Variants in FAM228B observed in about 807,000 individuals in gnomAD.
The protein encoded by FAM228B is family with sequence similarity 228 member B.
A neutral mutation model predicts 42.6 loss-of-function variants in FAM228B; 38 were observed. The ratio of observed to expected loss-of-function variants is 0.89; its 90% CI spans 0.69 to 1.17. FAM228B has a LOEUF of 1.17. Ranked by LOEUF, FAM228B falls within the 50% of genes most tolerant of loss-of-function variation. FAM228B has a pLI of 0.00. For synonymous variants in FAM228B, 109 were observed against 122.3 expected (o/e 0.89, Z 0.72); for missense variants, 344 against 367.3 (o/e 0.94, Z 0.52).
intron 7 of FAM228B, among the ~76,000 whole-genome samples, chr2:24,150,052 T>C (rs1217378829): frequency 6.6e-6 from 1 of 152,210 alleles, no homozygotes; most frequent in African/African-American, 2.4e-5. Context: ...CTTATTATAC[T>C]ATTTTTTGAA....
At chr2:24,093,025 G>A (rs1665423398) in intron 2 of FAM228B, among the ~76,000 whole-genome samples, 1 of 151,560 alleles carries the variant, frequency 6.6e-6, no homozygotes. Context: ...CCATGGCTCA[G>A]GGCTCAAGGC....
intron 2 of FAM228B, among the ~76,000 whole-genome samples, chr2:24,092,157 C>A (rs1048338657): frequency 5.5e-5 from 7 of 128,414 alleles, no homozygotes; most frequent in African/African-American, 2.1e-4. Flanking sequence ...GCCTGGCAGG[C>A]AGAGGTTGCA....
In FAM228B at chr2:24,154,126, T is replaced by TC. The variant is rs201522048; in HGVS notation, c.686+7041dup. On this transcript the variant is annotated intron_variant, in intron 7 of 10. Transcript: ENST00000615575. Reference sequence around the variant, plus strand: ...TTCAAGACTGTCCCTCCTGCTCTCCTCATGCCTCTTTTAGTGATATGAAGT... The same window carrying TC: ...TTCAAGACTGTCCCTCCTGCTCTCCTCCATGCCTCTTTTAGTGATATGAAGT... Among the ~76,000 whole-genome samples the TC allele has an allele frequency of 7.3e-3, 265 of 36,536 alleles. 1 individual carries two copies. The highest frequency in any genetic ancestry group is 0.011 in the African/African-American group (254 of 24,134). 24.0% of individuals were successfully genotyped at this position (36,536 alleles called of 152,430 possible). A position where few individuals can be genotyped will look rare whatever the true frequency, so the allele number is the denominator to read the frequency against.
At chr2:24,120,620 A>C (rs1303020424), upstream of FAM228B, among the ~76,000 whole-genome samples, 1 of 152,046 alleles carries the variant, frequency 6.6e-6, no homozygotes, top group Non-Finnish European at 1.5e-5. Flanking sequence ...CAATGGCACG[A>C]TCTCGGCTCA....
chr2:24,115,800 G>A (rs909821003), intron 3 of FAM228B, among the ~76,000 whole-genome samples: 4 of 151,278 alleles, frequency 2.6e-5, no homozygotes, highest in African/African-American at 9.7e-5. Flanking sequence ...GGAGTTCACT[G>A]TCTAGTAGGG....
intron 7 of FAM228B, among the ~76,000 whole-genome samples, chr2:24,151,414 C>T (rs1051341302): frequency 1.3e-5 from 2 of 151,856 alleles, no homozygotes; most frequent in African/African-American, 4.8e-5. Flanking sequence ...CCTCAGCCTC[C>T]TGAGTAGCTG....
chr2:24,112,597 G>A (rs764350507), intron 3 of FAM228B, among the ~76,000 whole-genome samples: 21 of 152,054 alleles, frequency 1.4e-4, no homozygotes, highest in Non-Finnish European at 2.6e-4. Flanking sequence ...CCACCATGCC[G>A]GGCCCAGAAA....
At chr2:24,116,499 A>AT (rs893909772) in intron 3 of FAM228B, among the ~76,000 whole-genome samples, 8 of 151,226 alleles carry the variant, frequency 5.3e-5, no homozygotes, top group Non-Finnish European at 8.9e-5. Flanking sequence ...GTAGCACTTC[A>AT]TTTTTTTTTA....
At chr2:24,120,562 A>T (rs1004456772), upstream of FAM228B, among the ~76,000 whole-genome samples, 16 of 139,548 alleles carry the variant, frequency 1.1e-4, no homozygotes, top group Admixed American at 2.8e-4. Context: ...TTTTTTTAAA[A>T]TTTTTTTTTT....
At chr2:24,141,476 C>T in intron 5 of FAM228B, among the ~76,000 whole-genome samples, 1 of 152,158 alleles carries the variant, frequency 6.6e-6, no homozygotes. Context: ...AATCTCCTGA[C>T]CTCGTGATCC....
intron 3 of FAM228B, among the ~76,000 whole-genome samples, chr2:24,102,321 C>T (rs1246926637): frequency 2.0e-5 from 3 of 152,186 alleles, no homozygotes; most frequent in Non-Finnish European, 1.5e-5. Flanking sequence ...GCTATTTTTT[C>T]ACTTAGAGGC....
At chr2:24,168,933 T>C (rs957006097) in intron 10 of FAM228B, among the ~76,000 whole-genome samples, 1 of 152,164 alleles carries the variant, frequency 6.6e-6, no homozygotes, top group Non-Finnish European at 1.5e-5. Context: ...TTTTCTCAAG[T>C]GAGATCATCA....
At chr2:24,111,630 TATTG>T (rs1326138168) in intron 3 of FAM228B, among the ~76,000 whole-genome samples, 7 of 152,180 alleles carry the variant, frequency 4.6e-5, no homozygotes, top group Non-Finnish European at 8.8e-5. Flanking sequence ...AGTATCTTTA[TATTG>T]TACATCTCTG....
chr2:24,125,750 A>T (rs1292686788), intron 2 of FAM228B, among the ~76,000 whole-genome samples: 2 of 152,010 alleles, frequency 1.3e-5, no homozygotes. Context: ...TTTAGTAGAG[A>T]CGGGGTTTCA....
At chr2:24,103,973 G>T (rs536233303) in intron 3 of FAM228B, among the ~76,000 whole-genome samples, 2 of 152,356 alleles carry the variant, frequency 1.3e-5, no homozygotes, top group South Asian at 4.1e-4. Context: ...GGCCGAGATA[G>T]TGGACTAGAG....
intron 2 of FAM228B, among the ~76,000 whole-genome samples, chr2:24,125,561 T>C (rs1283123734): frequency 6.6e-6 from 1 of 151,644 alleles, no homozygotes; most frequent in African/African-American, 2.4e-5. Context: ...TCTTTCTCTC[T>C]CTTTCCTTTT....
intron 7 of FAM228B, 34 bp from the exon 8 acceptor site, chr2:24,161,472 A>AAAAAAC (rs1667284008): frequency 1.5e-6 from 2 of 1,297,428 alleles, no homozygotes; most frequent in South Asian, 2.7e-5. Context: ...AAAAAGAACA[A>AAAAAAC]AAAAACCTTC....
In FAM228B at chr2:24,084,436, C is replaced by A. The variant is rs973572318; in HGVS notation, c.-210+3481C>A. ...CAGGGCAGGGGCCGCTGTATCCTCG[C>A]GGAGCAGCCCAGCCTCAGGCTGGCA... On this transcript the variant is annotated intron_variant, in intron 2 of 10. Coordinates refer to the FAM228B transcript ENST00000613899. The surrounding 1 kb of genome is among the most constrained non-coding windows in gnomAD (Gnocchi z 8.4). The A allele has an allele frequency of 5.4e-5, 72 of 1,343,452 alleles. No individual in the cohort carries two copies. The South Asian group carries it at 6.5e-4, about 12-fold the overall frequency. 83.2% of individuals were successfully genotyped at this position (1,343,452 alleles called of 1,614,324 possible).
At chr2:24,115,703 C>A in intron 3 of FAM228B, 1 of 1,396,164 alleles carries the variant, frequency 7.2e-7, no homozygotes, top group Non-Finnish European at 1.0e-6. Flanking sequence ...ACAAACATTG[C>A]CAGGTGACTG....
Sources: allele counts gnomAD v4.1 joint callset (sites outside exome capture counted in the v4.1 genomes callset), GRCh38; gene constraint gnomAD v4.1.1; non-coding constraint Gnocchi (gnomAD v3.1); transcripts MANE v1.5; gene names NCBI Gene and HGNC (gene_info 2026-07-23, HGNC 2026-07-21).